Variants in GPATCH2L observed in about 807,000 individuals in gnomAD.
GPATCH2L encodes the protein G patch domain-containing protein 2-like.
GPATCH2L carries 31 observed loss-of-function variants against 57.4 expected under a neutral mutation model. That is an observed-to-expected ratio of 0.54 (90% CI 0.41 to 0.73). The LOEUF is 0.73. Ranked by LOEUF, GPATCH2L falls within the 30% of genes least tolerant of loss-of-function variation. GPATCH2L has a pLI of 0.00. For synonymous variants in GPATCH2L, 199 were observed against 210.7 expected (o/e 0.94, Z 0.48); for missense variants, 481 against 599.9 (o/e 0.80, Z 2.07).
chr14:76,218,515 A>T (rs1229421558), downstream of GPATCH2L, among the ~76,000 whole-genome samples: 1 of 152,124 alleles, frequency 6.6e-6, no homozygotes, highest in Admixed American at 6.5e-5. Context: ...TGAGAGATGA[A>T]ACAAGACCCA....
chr14:76,177,868 C>A, intron 6 of GPATCH2L, 120 bp from the exon 7 acceptor site: 1 of 1,490,738 alleles, frequency 6.7e-7, no homozygotes, highest in Non-Finnish European at 9.3e-7. Context: ...GTTTTCTTTC[C>A]TGTTATTCTC....
Position 76,208,285 on chromosome 14 carries a change from C to G in GPATCH2L, c.*6434C>G, listed in dbSNP as rs2040401419. 1 of 152,108 alleles carries G rather than the reference C, an allele frequency of 6.6e-6. No homozygotes were observed. The highest frequency in any genetic ancestry group is 2.4e-5 in the African/African-American group (1 of 41,394). The allele number at this position is 152,108 out of a possible 1,614,324, so 9.4% of individuals were successfully genotyped here. On this transcript the variant is annotated 3_prime_UTR_variant, in exon 10 of 10. Coordinates refer to ENST00000261530, the MANE Select transcript of GPATCH2L (RefSeq NM_017926.4). The stretch of plus-strand genomic sequence containing the variant: ...TTAAAGATGGCCTTCGTGACTTTGA[C>G]TCAAAATCAATGCATTTCATTATGT...
chr14:76,214,218 G>A lies in GPATCH2L; in HGVS notation c.*12367G>A, dbSNP rs1033192867. On this transcript the variant is annotated 3_prime_UTR_variant, in exon 10 of 10. Coordinates refer to ENST00000261530, the MANE Select transcript of GPATCH2L (RefSeq NM_017926.4). ...TGTGGTGTCATCCTATCCAAGAATA[G>A]GAGATGTATTTCCATTTATTCAAGT... is the stretch of plus-strand genomic sequence containing the variant. The A allele has an allele frequency of 6.6e-6, 1 of 152,110 alleles. No homozygotes were observed. The highest frequency in any genetic ancestry group is 1.9e-4 in the East Asian group (1 of 5,196). 9.4% of individuals were successfully genotyped at this position (152,110 alleles called of 1,614,324 possible). A position where few individuals can be genotyped will look rare whatever the true frequency, so the allele number is the denominator to read the frequency against.
At chr14:76,171,501 C>A (rs1450750358) in intron 3 of GPATCH2L, among the ~76,000 whole-genome samples, 3 of 151,830 alleles carry the variant, frequency 2.0e-5, no homozygotes, top group Non-Finnish European at 4.4e-5. Context: ...TTGCTTGAAC[C>A]CGGGAGGGGA....
chr14:76,203,315 A>G lies in GPATCH2L; in HGVS notation c.*1464A>G, dbSNP rs4903386. The G allele has an allele frequency of 0.79, 119,998 of 152,182 alleles. 47,893 individuals are homozygous for G. The highest frequency in any genetic ancestry group is 0.88 in the South Asian group (4,234 of 4,820). 9.4% of individuals were successfully genotyped at this position (152,182 alleles called of 1,614,324 possible). A position where few individuals can be genotyped will look rare whatever the true frequency, so the allele number is the denominator to read the frequency against. On this transcript the variant is annotated 3_prime_UTR_variant, in exon 10 of 10. Transcript: ENST00000261530. ...CATGGCACTTTAAGACTGAGAACAT[A>G]TCAATTGTTCATAATCAGGAATATG...
In GPATCH2L at chr14:76,187,935, T is replaced by G. The variant is rs536101488; in HGVS notation, c.1193+7086T>G. 7.3e-4 allele frequency among the ~76,000 whole-genome samples: 111 copies of G among 152,244 alleles called. No homozygotes were observed. The Middle Eastern group carries it at 0.01, about 14-fold the overall frequency. On this transcript the variant is annotated intron_variant, in intron 8 of 9. Coordinates refer to ENST00000261530, the MANE Select transcript of GPATCH2L (RefSeq NM_017926.4). ...TCTCCATTAGTTCAATTGTTTTGAT[T>G]TTTAGATCCCACAAATAAGTGAGAA...
intron 1 of GPATCH2L, among the ~76,000 whole-genome samples, chr14:76,222,311 A>C (rs1314801372): frequency 6.6e-6 from 1 of 152,220 alleles, no homozygotes; most frequent in Non-Finnish European, 1.5e-5. Flanking sequence ...TTACCAGCTC[A>C]AGAGTAAATA....
At chr14:76,229,135 A>G (rs2040549225) in intron 1 of GPATCH2L, among the ~76,000 whole-genome samples, 1 of 152,174 alleles carries the variant, frequency 6.6e-6, no homozygotes, top group Non-Finnish European at 1.5e-5. Context: ...GAAAAACAAG[A>G]CTTCAATTTC....
intron 2 of GPATCH2L, among the ~76,000 whole-genome samples, chr14:76,157,840 C>G (rs1010266483): frequency 3.9e-5 from 6 of 152,116 alleles, no homozygotes; most frequent in African/African-American, 1.4e-4. Flanking sequence ...TAATATTACA[C>G]CAGCCAATCC....
Position 76,173,565 on chromosome 14 carries a change from T to G in GPATCH2L, c.924T>G (p.Asn308Lys). The G allele has an allele frequency of 6.2e-7, 1 of 1,612,732 alleles. No individual in the cohort carries two copies. The highest frequency in any genetic ancestry group is 8.5e-7 in the Non-Finnish European group (1 of 1,179,170). Residue 308 changes from asparagine to lysine, a missense_variant, in exon 5 of 10, where the codon AAT becomes AAG. Physicochemically the swap from Asn to Lys is moderately conservative, Grantham distance 94. This residue lies in a region of GPATCH2L where 248 missense variants were observed against 270.5 expected (regional missense o/e 0.92). Coordinates refer to ENST00000261530, the MANE Select transcript of GPATCH2L (RefSeq NM_017926.4). ...TTTTAGGGTACCATACTCGCTTGAA[T>G]CGTCTACCTGGAGCTGCAGCTCGAT... ...PAQRGYHTRL[N>K]RLPGAAARCL... is the part of the protein sequence containing the mutation.
At chr14:76,160,756 C>G (rs563643214) in intron 2 of GPATCH2L, among the ~76,000 whole-genome samples, 1 of 152,224 alleles carries the variant, frequency 6.6e-6, no homozygotes, top group South Asian at 2.1e-4. Context: ...GCCCCAGAAT[C>G]CATGTTCTTT....
chr14:76,235,179 AAAAAAG>A (rs2040593029), intron 2 of GPATCH2L, among the ~76,000 whole-genome samples: 1 of 151,876 alleles, frequency 6.6e-6, no homozygotes, highest in African/African-American at 2.4e-5. Flanking sequence ...AAAAAAAAAA[AAAAAAG>A]AAAAAAAGAA....
intron 1 of GPATCH2L, chr14:76,153,096 T>A: frequency 3.8e-6 from 1 of 266,192 alleles, no homozygotes; most frequent in Non-Finnish European, 7.4e-6. Flanking sequence ...TCACTATTGC[T>A]CCTACAGGTG....
intron 9 of GPATCH2L, chr14:76,196,668 TG>T (rs1465563953): frequency 6.6e-6 from 1 of 151,434 alleles, no homozygotes; most frequent in Non-Finnish European, 1.5e-5. Flanking sequence ...TATCCTTCAA[TG>T]AAAAAAAGGG....
intron 6 of GPATCH2L, 33 bp from the exon 7 acceptor site, chr14:76,177,955 C>G: frequency 1.9e-6 from 3 of 1,601,952 alleles, no homozygotes; most frequent in Non-Finnish European, 2.6e-6. Flanking sequence ...TCTTTGTCAT[C>G]TTTATTTTAT....
intron 8 of GPATCH2L, among the ~76,000 whole-genome samples, chr14:76,185,398 T>A (rs2039728358): frequency 6.6e-6 from 1 of 152,240 alleles, no homozygotes; most frequent in African/African-American, 2.4e-5. Flanking sequence ...CAAGCAGTTT[T>A]TCCCAAAATG....
chr14:76,163,876 C>G (rs2139603703), intron 2 of GPATCH2L, among the ~76,000 whole-genome samples: 1 of 152,326 alleles, frequency 6.6e-6, no homozygotes, highest in East Asian at 1.9e-4. Context: ...TGATATGTGC[C>G]AGGTGCTATG....
chr14:76,166,263 C>G (rs2038833582), intron 2 of GPATCH2L, among the ~76,000 whole-genome samples: 1 of 152,066 alleles, frequency 6.6e-6, no homozygotes, highest in African/African-American at 2.4e-5. Flanking sequence ...TTGAAAGATG[C>G]TAGATGTCTT....
intron 1 of GPATCH2L, among the ~76,000 whole-genome samples, chr14:76,227,662 C>G (rs1364234968): frequency 6.6e-6 from 1 of 152,132 alleles, no homozygotes; most frequent in South Asian, 2.1e-4. Flanking sequence ...AACAGTAGCT[C>G]CTGTGAGTAA....
Sources: gnomAD v4.1 joint callset for allele counts (sites outside exome capture counted in the v4.1 genomes callset) on GRCh38, gnomAD v4.1.1 for gene constraint, gnomAD v4.1.1 regional missense constraint, MANE v1.5 for transcripts, NCBI Gene and HGNC (gene_info 2026-07-23, HGNC 2026-07-21) for gene names.